Variants in DOCK8 observed in about 807,000 individuals in gnomAD.
The protein encoded by DOCK8 is dedicator of cytokinesis protein 8.
In DOCK8, 141 loss-of-function variants were observed where a neutral mutation model predicts 245.6. The observed-to-expected ratio is 0.57, with a 90% CI of 0.50 to 0.66. The LOEUF (loss-of-function observed/expected upper bound fraction) is 0.66. Among genes scored for constraint, DOCK8 ranks in the 30% least tolerant of loss-of-function variants. DOCK8 has a pLI of 0.00. For missense variants in DOCK8, 2,965 were observed against 2,603.4 expected, an observed-to-expected ratio of 1.14 and a Z score of -3.02; for synonymous variants, 1,168 against 970.2, an observed-to-expected ratio of 1.20 and a Z score of -3.79.
intron 46 of DOCK8, among the ~76,000 whole-genome samples, chr9:459,237 C>G (rs561124932): frequency 6.6e-6 from 1 of 152,130 alleles, no homozygotes; most frequent in Non-Finnish European, 1.5e-5. Context: ...TGTGGCTATT[C>G]TCTAGGAGGG....
At chr9:450,803 C>A (rs1027648679) in intron 45 of DOCK8, among the ~76,000 whole-genome samples, 1 of 151,502 alleles carries the variant, frequency 6.6e-6, no homozygotes, top group African/African-American at 2.4e-5. Flanking sequence ...AGCCCACAAC[C>A]ATGGTCTATC....
At chr9:400,977 T>TCACCACCAGCTCCAC in intron 26 of DOCK8, among the ~76,000 whole-genome samples, 1 of 65,816 alleles carries the variant, frequency 1.5e-5, no homozygotes, top group Non-Finnish European at 2.7e-5. Flanking sequence ...TCCTCCACCA[T>TCACCACCAGCTCCAC]CACCACCTCC....
chr9:379,397 G>T (rs1423268686), intron 20 of DOCK8, among the ~76,000 whole-genome samples: 1 of 152,166 alleles, frequency 6.6e-6, no homozygotes, highest in Non-Finnish European at 1.5e-5. Context: ...ACTCTCTGGG[G>T]TGGGGCCTGA....
intron 6 of DOCK8, among the ~76,000 whole-genome samples, chr9:313,315 T>A (rs573641989): frequency 2.0e-5 from 3 of 152,348 alleles, no homozygotes; most frequent in African/African-American, 7.2e-5. Flanking sequence ...ATTTTGTAAC[T>A]AACTCTCTTA....
intron 36 of DOCK8, among the ~76,000 whole-genome samples, chr9:430,109 T>G (rs2056655181): frequency 6.6e-6 from 1 of 152,228 alleles, no homozygotes; most frequent in African/African-American, 2.4e-5. Context: ...GAACGATGGC[T>G]TTCACCTATA....
At chr9:230,767 A>G (rs2047096783) in intron 1 of DOCK8, among the ~76,000 whole-genome samples, 3 of 151,912 alleles carry the variant, frequency 2.0e-5, no homozygotes, top group Admixed American at 6.6e-5. Context: ...TTTCTTGTAA[A>G]TGTGTTTGAG....
At chr9:263,138 C>T (rs1177267270) in intron 1 of DOCK8, among the ~76,000 whole-genome samples, 4 of 151,370 alleles carry the variant, frequency 2.6e-5, no homozygotes, top group Admixed American at 2.0e-4. Flanking sequence ...ACTGGGGAGG[C>T]AGAGGTTGCA....
chr9:358,631 T>G (rs1586791338), intron 14 of DOCK8, among the ~76,000 whole-genome samples: 1 of 148,158 alleles, frequency 6.7e-6, no homozygotes, highest in Non-Finnish European at 1.5e-5. Flanking sequence ...GGCGGATCAC[T>G]TGAGGTCAGG....
intron 9 of DOCK8, 74 bp downstream of exon 9, chr9:328,245 G>A: frequency 6.6e-7 from 1 of 1,524,158 alleles, no homozygotes; most frequent in South Asian, 1.2e-5. Context: ...TGTTTGGGGT[G>A]CACGCAATCT....
Position 328,941 on chromosome 9 carries a change from CTT to C in DOCK8, c.1044+795_1044+796del, listed in dbSNP as rs1165346763. Among the ~76,000 whole-genome samples the C allele has an allele frequency of 6.8e-3, 487 of 71,362 alleles. 1 individual carries two copies. The highest frequency in any genetic ancestry group is 0.027 in the African/African-American group (463 of 17,444). The allele number at this position is 71,362 out of a possible 152,430, so 46.8% of individuals were successfully genotyped here. A position where few individuals can be genotyped will look rare whatever the true frequency, so the allele number is the denominator to read the frequency against. On this transcript the variant is annotated intron_variant, in intron 9 of 47. Coordinates refer to ENST00000432829, the MANE Select transcript of DOCK8 (RefSeq NM_203447.4). ...GGCCAGATAATTGGTCTTATTGATT[CTT>C]TTTTTTTTTTTTTTTTTTTTTTTTG...
Position 214,973 on chromosome 9 carries a change from G to A in DOCK8, c.-4G>A, listed in dbSNP as rs773229534. Reference sequence around the variant, plus strand: ...CCTAGAAGCCACCGAACCGCCGGCGGGCCATGGCCACTCTGCCGAGCGCAG... The same window carrying A: ...CCTAGAAGCCACCGAACCGCCGGCGAGCCATGGCCACTCTGCCGAGCGCAG... On this transcript the variant is annotated 5_prime_UTR_variant, in exon 1 of 48. Coordinates refer to ENST00000432829, the MANE Select transcript of DOCK8 (RefSeq NM_203447.4). 81 of 1,601,560 alleles carry A rather than the reference G, an allele frequency of 5.1e-5. No homozygotes were observed. In the East Asian group the frequency reaches 1.8e-3, roughly 35 times the overall value.
chr9:275,479 G>C (rs2048307731), intron 2 of DOCK8, among the ~76,000 whole-genome samples: 1 of 152,192 alleles, frequency 6.6e-6, no homozygotes, highest in African/African-American at 2.4e-5. Context: ...AATTCAATCA[G>C]AATTCCTGGG....
At chr9:403,964 ATATATATATATGTG>A (rs1432006676) in intron 26 of DOCK8, among the ~76,000 whole-genome samples, 1 of 75,702 alleles carries the variant, frequency 1.3e-5, no homozygotes, top group Non-Finnish European at 2.3e-5. Flanking sequence ...ATATATGTAT[ATATATATATATGTG>A]TATATATATA....
intron 4 of DOCK8, among the ~76,000 whole-genome samples, chr9:294,644 C>T (rs898711300): frequency 6.6e-6 from 1 of 152,188 alleles, no homozygotes; most frequent in Non-Finnish European, 1.5e-5. Flanking sequence ...TGTGCAAATA[C>T]AGCAGTTTAG....
chr9:257,705 G>A (rs757978301), intron 1 of DOCK8, among the ~76,000 whole-genome samples: 1 of 152,168 alleles, frequency 6.6e-6, no homozygotes, highest in African/African-American at 2.4e-5. Flanking sequence ...TTTTCGTAGA[G>A]ACGGGGTTTC....
intron 26 of DOCK8, among the ~76,000 whole-genome samples, chr9:400,185 CTTCACCAT>C (rs1378922622): frequency 4.4e-5 from 5 of 112,506 alleles, no homozygotes; most frequent in African/African-American, 1.1e-4. Context: ...TCACCACCTC[CTTCACCAT>C]CACCATCACC....
At position 418,212 on chromosome 9, in the gene DOCK8, G is replaced by T; in HGVS notation, c.3840+5G>T. Reference sequence around the variant, plus strand: ...GGAATAGTGCTGTCTTCCTTGGTATGTTGGTGCACATGTGTCTGGTTGATT... The same window carrying T: ...GGAATAGTGCTGTCTTCCTTGGTATTTTGGTGCACATGTGTCTGGTTGATT... On this transcript the variant is annotated splice_donor_5th_base_variant and intron_variant, in intron 30 of 47. Coordinates refer to ENST00000432829, the MANE Select transcript of DOCK8 (RefSeq NM_203447.4). 1.9e-6 allele frequency: 3 copies of T among 1,614,152 alleles called. No homozygotes were observed. Among genetic ancestry groups the T allele is most frequent in the Non-Finnish European group, 2.5e-6 (3 of 1,179,994 alleles).
At chr9:400,247 C>CCTTCACCAT (rs2054799964) in intron 26 of DOCK8, among the ~76,000 whole-genome samples, 1 of 66,158 alleles carries the variant, frequency 1.5e-5, no homozygotes, top group Non-Finnish European at 3.0e-5. Flanking sequence ...ACCACCACCT[C>CCTTCACCAT]CACCATCACC....
intron 24 of DOCK8, among the ~76,000 whole-genome samples, chr9:390,825 T>C (rs2054160020): frequency 6.6e-6 from 1 of 152,160 alleles, no homozygotes; most frequent in Admixed American, 6.5e-5. Context: ...CTCATGTGCC[T>C]CTCGCAGTGA....
Sources: gnomAD v4.1 joint callset for allele counts (sites outside exome capture counted in the v4.1 genomes callset) on GRCh38, gnomAD v4.1.1 for gene constraint, MANE v1.5 for transcripts, NCBI Gene and HGNC (gene_info 2026-07-23, HGNC 2026-07-21) for gene names.